The following NELL1 variants were observed in gnomAD, a reference collection of about 807,000 sequenced individuals.
NELL1 encodes protein kinase C-binding protein NELL1.
A neutral mutation model predicts 107.4 loss-of-function variants in NELL1; 76 were observed. The observed-to-expected ratio is 0.71, with a 90% confidence interval of 0.59 to 0.86. NELL1 has a LOEUF of 0.86. Among genes scored for constraint, NELL1 ranks in the 40% least tolerant of loss-of-function variants. The probability of loss-of-function intolerance (pLI) is 0.00; values close to 1 mark genes in which losing one functional copy is unlikely to be tolerated. For synonymous variants in NELL1, 353 were observed against 341.2 expected, an observed-to-expected ratio of 1.03 and a Z score of -0.38; for missense variants, 1,024 against 1,005.5, an observed-to-expected ratio of 1.02 and a Z score of -0.25.
intron 12 of NELL1, among the ~76,000 whole-genome samples, chr11:21,036,703 A>T (rs1241396008): frequency 1.3e-5 from 2 of 151,946 alleles, no homozygotes; most frequent in Non-Finnish European, 2.9e-5. Context: ...CACTGAATTC[A>T]TAATTTCAGT....
chr11:20,902,747 A>C (rs893009088), intron 5 of NELL1, among the ~76,000 whole-genome samples: 15 of 152,134 alleles, frequency 9.9e-5, no homozygotes, highest in African/African-American at 3.6e-4. Context: ...AGAATGTTTA[A>C]ATACGTTGTA....
chr11:20,940,018 T>C (rs1850815250), intron 10 of NELL1, among the ~76,000 whole-genome samples: 1 of 152,206 alleles, frequency 6.6e-6, no homozygotes, highest in African/African-American at 2.4e-5. Context: ...AATTGCAATC[T>C]GGTGGCTGCT....
At chr11:21,099,017 C>T (rs1256651674) in intron 12 of NELL1, among the ~76,000 whole-genome samples, 1 of 151,834 alleles carries the variant, frequency 6.6e-6, no homozygotes, top group Non-Finnish European at 1.5e-5. Context: ...AACTCGTTTC[C>T]TTTACCTAAT....
intron 15 of NELL1, among the ~76,000 whole-genome samples, chr11:21,495,151 A>G (rs1017772142): frequency 2.6e-5 from 4 of 152,184 alleles, no homozygotes; most frequent in Admixed American, 1.3e-4. Flanking sequence ...TCATTAAGCA[A>G]TCACTCCGCG....
intron 3 of NELL1, among the ~76,000 whole-genome samples, chr11:20,786,781 GGC>G (rs1856968715): frequency 6.6e-6 from 1 of 151,794 alleles, no homozygotes; most frequent in Non-Finnish European, 1.5e-5. Context: ...GGCCAAGGTG[GGC>G]ATATCACAAG....
intron 10 of NELL1, 98 bp downstream of exon 10, chr11:20,937,957 A>T: frequency 1.7e-6 from 2 of 1,166,512 alleles, no homozygotes; most frequent in East Asian, 2.4e-5. Flanking sequence ...ATTGGCCTGG[A>T]TAGGGCCCCG....
chr11:20,727,711 A>C (rs942469360), intron 2 of NELL1, among the ~76,000 whole-genome samples: 3 of 152,134 alleles, frequency 2.0e-5, no homozygotes, highest in African/African-American at 7.2e-5. Context: ...GTTTTCTTCT[A>C]GGGTTTTTAT....
chr11:21,042,032 G>A (rs1453192396), intron 12 of NELL1, among the ~76,000 whole-genome samples: 1 of 152,200 alleles, frequency 6.6e-6, no homozygotes, highest in African/African-American at 2.4e-5. Flanking sequence ...GTCTTCTTTT[G>A]AGAAGCATGC....
chr11:20,719,459 T>TG (rs1183519323), intron 2 of NELL1, among the ~76,000 whole-genome samples: 6 of 151,778 alleles, frequency 4.0e-5, no homozygotes, highest in African/African-American at 1.5e-4. Flanking sequence ...CACATAGTTT[T>TG]GGAAAAAGGA....
chr11:20,734,254 T>C (rs934346170), intron 2 of NELL1, among the ~76,000 whole-genome samples: 3 of 152,170 alleles, frequency 2.0e-5, no homozygotes, highest in Non-Finnish European at 2.9e-5. Context: ...ACAGATCATA[T>C]TGGGCCTTAG....
intron 17 of NELL1, among the ~76,000 whole-genome samples, chr11:21,570,307 A>G (rs1294247391): frequency 6.6e-6 from 1 of 151,766 alleles, no homozygotes; most frequent in Non-Finnish European, 1.5e-5. Context: ...GGTCTACGTT[A>G]ATTTTCTGTA....
chr11:21,486,726 T>TA (rs1460932102), intron 15 of NELL1, among the ~76,000 whole-genome samples: 1 of 151,798 alleles, frequency 6.6e-6, no homozygotes, highest in Non-Finnish European at 1.5e-5. Flanking sequence ...ACAGAGAATA[T>TA]AAAAAACAAT....
Position 20,787,007 on chromosome 11 carries a change from C to CAAAAAAAAAA in NELL1, c.335+3192_335+3201dup, listed in dbSNP as rs71443763. ...TAGGCGAAAGAGCGAGACTCCGTCT[C>CAAAAAAAAAA]AAAAAAAAAAAAAAAAAAAAAAAAG... On this transcript the variant is annotated intron_variant, in intron 3 of 19. Coordinates refer to ENST00000357134, the MANE Select transcript of NELL1 (RefSeq NM_006157.5). 3.3e-4 allele frequency among the ~76,000 whole-genome samples: 20 copies of CAAAAAAAAAA among 60,850 alleles called. 2 individuals carry two copies. Among genetic ancestry groups the CAAAAAAAAAA allele is most frequent in the African/African-American group, 1.6e-3 (20 of 12,280 alleles). 39.9% of individuals were successfully genotyped at this position (60,850 alleles called of 152,430 possible). A position where few individuals can be genotyped will look rare whatever the true frequency, so the allele number is the denominator to read the frequency against.
At chr11:21,028,056 C>T (rs952711953) in intron 12 of NELL1, among the ~76,000 whole-genome samples, 6 of 152,058 alleles carry the variant, frequency 3.9e-5, no homozygotes, top group African/African-American at 1.2e-4. Flanking sequence ...AAACTTTGTT[C>T]GCTGAAGAAC....
intron 15 of NELL1, among the ~76,000 whole-genome samples, chr11:21,467,420 G>A (rs1483507112): frequency 1.3e-5 from 2 of 152,038 alleles, no homozygotes; most frequent in Non-Finnish European, 2.9e-5. Flanking sequence ...TGCAGGAGTT[G>A]CATTCCTGGT....
intron 2 of NELL1, among the ~76,000 whole-genome samples, chr11:20,781,585 C>T (rs1310145532): frequency 1.3e-5 from 2 of 152,098 alleles, no homozygotes; most frequent in East Asian, 3.9e-4. Context: ...GCTTTACAAT[C>T]CTGAAATTCA....
intron 16 of NELL1, among the ~76,000 whole-genome samples, chr11:21,541,721 A>G (rs934013268): frequency 3.3e-5 from 5 of 152,102 alleles, no homozygotes; most frequent in Admixed American, 3.3e-4. Flanking sequence ...ATTTAGAAAG[A>G]TATTTAACCT....
At chr11:21,151,329 A>T (rs1856112294) in intron 13 of NELL1, among the ~76,000 whole-genome samples, 2 of 152,160 alleles carry the variant, frequency 1.3e-5, no homozygotes, top group African/African-American at 4.8e-5. Flanking sequence ...AATTACAAAG[A>T]CTTACCCTTC....
intron 19 of NELL1, 141 bp from the exon 20 acceptor site, chr11:21,574,831 A>G: frequency 1.5e-6 from 1 of 663,186 alleles, no homozygotes; most frequent in South Asian, 1.9e-5. Context: ...TTTTTTTCCT[A>G]GCATTTTTTT....
Sources: gnomAD v4.1 joint callset for allele counts (sites outside exome capture counted in the v4.1 genomes callset) on GRCh38, gnomAD v4.1.1 for gene constraint, MANE v1.5 for transcripts, NCBI Gene and HGNC (gene_info 2026-07-23, HGNC 2026-07-21) for gene names.